BACE2: variants seen among roughly 807,000 people sequenced by gnomAD.
BACE2 encodes beta-secretase 2.
BACE2 carries 17 observed loss-of-function variants against 46.2 expected under a neutral mutation model. That is an observed-to-expected ratio of 0.37 (90% CI 0.25 to 0.55). The LOEUF (loss-of-function observed/expected upper bound fraction) is 0.55. Among genes scored for constraint, BACE2 ranks in the 20% least tolerant of loss-of-function variants. BACE2 has a pLI of 0.82. For synonymous variants in BACE2, 277 were observed against 295.9 expected (o/e 0.94, Z 0.66); for missense variants, 595 against 698.1 (o/e 0.85, Z 1.66).
In BACE2 at chr21:41,246,054, C is replaced by T. The variant is rs764240973; in HGVS notation, c.975C>T (p.Arg325=). 8.1e-6 allele frequency: 13 copies of T among 1,601,896 alleles called. No individual in the cohort carries two copies. Among genetic ancestry groups the T allele is most frequent in the African/African-American group, 4.0e-5 (3 of 74,720 alleles). ...VFDAVVEAVA[R]ASLIPEFSDG... ...ATGCGGTGGTGGAAGCTGTGGCCCGCGCATCTCTGGTGAGTCCTCGGGACA... is the reference window on the plus strand; with the variant it reads ...ATGCGGTGGTGGAAGCTGTGGCCCGTGCATCTCTGGTGAGTCCTCGGGACA... The change falls in exon 6 of 9, where the codon CGC becomes CGT. Residue 325 remains arginine, a synonymous_variant. Coordinates refer to ENST00000330333, the MANE Select transcript of BACE2 (RefSeq NM_012105.5).
chr21:41,209,794 G>A (rs1986242339), intron 1 of BACE2, among the ~76,000 whole-genome samples: 1 of 152,176 alleles, frequency 6.6e-6, no homozygotes, highest in African/African-American at 2.4e-5. Context: ...AGACACAGGT[G>A]TATCCTGGGA....
chr21:41,210,818 G>T (rs1986276948), intron 1 of BACE2, among the ~76,000 whole-genome samples: 2 of 152,198 alleles, frequency 1.3e-5, no homozygotes, highest in Non-Finnish European at 1.5e-5. Flanking sequence ...AACACAGGAG[G>T]CATGTCACAT....
chr21:41,275,715 C>T lies in BACE2; in HGVS notation c.*91C>T. On this transcript the variant is annotated 3_prime_UTR_variant, in exon 9 of 9. Coordinates refer to ENST00000330333, the MANE Select transcript of BACE2 (RefSeq NM_012105.5). ...CAGCCGGGATCGATGGTGGCGCTTTCTCCTGTGCCCACCCGTCTTCAATCT... is the reference window on the plus strand; with the variant it reads ...CAGCCGGGATCGATGGTGGCGCTTTTTCCTGTGCCCACCCGTCTTCAATCT... The T allele has an allele frequency of 1.4e-6, 2 of 1,476,922 alleles. No individual in the cohort carries two copies. Among genetic ancestry groups the T allele is most frequent in the Non-Finnish European group, 1.8e-6 (2 of 1,093,012 alleles). The allele number at this position is 1,476,922 out of a possible 1,614,324, so 91.5% of individuals were successfully genotyped here.
intron 8 of BACE2, among the ~76,000 whole-genome samples, chr21:41,274,073 C>T (rs1396698419): frequency 1.3e-5 from 2 of 151,986 alleles, no homozygotes; most frequent in East Asian, 3.9e-4. Context: ...TCCAAGAGAG[C>T]TCCCTTGTCT....
intron 2 of BACE2, 99 bp from the exon 3 acceptor site, chr21:41,237,414 C>A: frequency 1.1e-6 from 1 of 909,054 alleles, no homozygotes; most frequent in Non-Finnish European, 1.5e-6. Flanking sequence ...CCACTGCACT[C>A]CAGCCTGGGT....
intron 3 of BACE2, among the ~76,000 whole-genome samples, chr21:41,239,785 A>C (rs1987237175): frequency 6.6e-6 from 1 of 152,188 alleles, no homozygotes; most frequent in African/African-American, 2.4e-5. Flanking sequence ...CTGGCTCATG[A>C]ACCTTTTGTC....
intron 3 of BACE2, among the ~76,000 whole-genome samples, chr21:41,238,916 C>T (rs1461732440): frequency 7.2e-6 from 1 of 138,544 alleles, no homozygotes; most frequent in Non-Finnish European, 1.5e-5. Flanking sequence ...AACTAACCTG[C>T]ACAATGTGCA....
At chr21:41,199,451 G>A (rs1012144237) in intron 1 of BACE2, among the ~76,000 whole-genome samples, 3 of 152,106 alleles carry the variant, frequency 2.0e-5, no homozygotes, top group African/African-American at 7.2e-5. Flanking sequence ...GTGGGGCTCT[G>A]CCCAGCACCT....
intron 1 of BACE2, among the ~76,000 whole-genome samples, chr21:41,211,629 G>C (rs1986305600): frequency 6.6e-6 from 1 of 152,260 alleles, no homozygotes; most frequent in Non-Finnish European, 1.5e-5. Flanking sequence ...AGAGGCCACT[G>C]CTGCTGTGGG....
intron 1 of BACE2, among the ~76,000 whole-genome samples, chr21:41,174,116 G>A (rs1568853893): frequency 7.5e-6 from 1 of 133,130 alleles, no homozygotes; most frequent in Non-Finnish European, 1.6e-5. Context: ...AAAATGATAA[G>A]GATAGCTGTT....
intron 8 of BACE2, among the ~76,000 whole-genome samples, chr21:41,260,622 G>T (rs1272846630): frequency 2.0e-5 from 3 of 152,228 alleles, no homozygotes; most frequent in Admixed American, 1.3e-4. Context: ...CTCCAGGACT[G>T]CCTGATGTCC....
At position 41,275,519 on chromosome 21, in the gene BACE2, T is replaced by C; in HGVS notation, c.1452T>C (p.Leu484=). 1 of 1,614,128 alleles carries C rather than the reference T, an allele frequency of 6.2e-7. No individual in the cohort carries two copies. Among genetic ancestry groups the C allele is most frequent in the Admixed American group, 1.7e-5 (1 of 60,026 alleles). The change falls in exon 9 of 9, where the codon CTT becomes CTC. Residue 484 remains leucine (L), a synonymous_variant. Coordinates refer to ENST00000330333, the MANE Select transcript of BACE2 (RefSeq NM_012105.5). ...TGAGCGTCTGTGGAGCCATCCTCCT[T>C]GTCTTAATCGTCCTGCTGCTGCTGC... ...ALMSVCGAIL[L]VLIVLLLLPF...
intron 1 of BACE2, among the ~76,000 whole-genome samples, chr21:41,187,871 A>G (rs1040329375): frequency 6.6e-6 from 1 of 152,210 alleles, no homozygotes; most frequent in African/African-American, 2.4e-5. Flanking sequence ...TAAATTCCTG[A>G]CCCACTACCA....
At chr21:41,235,605 G>A (rs570327246) in intron 2 of BACE2, among the ~76,000 whole-genome samples, 3 of 152,360 alleles carry the variant, frequency 2.0e-5, no homozygotes, top group South Asian at 4.1e-4. Context: ...GGGAGGCTAA[G>A]GTAGGAGGAT....
intron 1 of BACE2, among the ~76,000 whole-genome samples, chr21:41,199,515 C>G (rs1985877399): frequency 6.6e-6 from 1 of 152,094 alleles, no homozygotes; most frequent in South Asian, 2.1e-4. Flanking sequence ...ACCCAGTGTC[C>G]AAGGAGTGGT....
At chr21:41,206,243 C>T (rs992423523) in intron 1 of BACE2, among the ~76,000 whole-genome samples, 7 of 152,212 alleles carry the variant, frequency 4.6e-5, no homozygotes, top group Admixed American at 2.6e-4. Flanking sequence ...GCCTGCTCTT[C>T]ATTGCATCTT....
At chr21:41,222,005 G>C (rs561183526) in intron 1 of BACE2, among the ~76,000 whole-genome samples, 1 of 152,248 alleles carries the variant, frequency 6.6e-6, no homozygotes, top group Admixed American at 6.5e-5. Flanking sequence ...GATTGCGCAC[G>C]GGGCCCAGGC....
At chr21:41,209,535 G>A (rs1181535340) in intron 1 of BACE2, among the ~76,000 whole-genome samples, 1 of 152,204 alleles carries the variant, frequency 6.6e-6, no homozygotes, top group Admixed American at 6.5e-5. Flanking sequence ...TTGAGAAACA[G>A]CCCTGTAACG....
At chr21:41,207,261 A>G (rs1174096535) in intron 1 of BACE2, among the ~76,000 whole-genome samples, 1 of 152,198 alleles carries the variant, frequency 6.6e-6, no homozygotes, top group African/African-American at 2.4e-5. Context: ...GGAAAGGAAG[A>G]AGCTAATTAG....
Sources: allele counts gnomAD v4.1 joint callset (sites outside exome capture counted in the v4.1 genomes callset), GRCh38; gene constraint gnomAD v4.1.1; transcripts MANE v1.5; gene names NCBI Gene and HGNC (gene_info 2026-07-23, HGNC 2026-07-21).